Variants in NID2 observed in about 807,000 individuals in gnomAD.
NID2 encodes the protein nidogen 2.
Under a neutral mutation model 145.4 loss-of-function variants are expected in NID2, and 83 were observed. That is an observed-to-expected ratio of 0.57 (90% CI 0.48 to 0.69). The LOEUF (loss-of-function observed/expected upper bound fraction) is 0.69. NID2 is among the 30% of genes least tolerant of loss of function. The pLI is 0.00. For synonymous variants in NID2, 739 were observed against 701.3 expected (o/e 1.05, Z -0.85); for missense variants, 1,807 against 1,765.7 (o/e 1.02, Z -0.42).
chr14:52,006,196 C>A, intron 20 of NID2: 1 of 392,176 alleles, frequency 2.5e-6, no homozygotes, highest in South Asian at 2.9e-5. Context: ...CAACTTAAGC[C>A]CTGTAATATA....
intron 12 of NID2, 119 bp downstream of exon 12, chr14:52,027,082 G>T: frequency 9.4e-7 from 1 of 1,061,368 alleles, no homozygotes. Context: ...TATTTTGGCA[G>T]CCACAAGGCT....
intron 9 of NID2, among the ~76,000 whole-genome samples, chr14:52,032,296 T>A (rs143738341): frequency 2.4e-3 from 370 of 152,266 alleles, no homozygotes; most frequent in African/African-American, 8.2e-3. Flanking sequence ...TCGGCTGGAG[T>A]AACAGAATCT....
At chr14:52,030,378 C>G (rs1004215944) in intron 9 of NID2, among the ~76,000 whole-genome samples, 1 of 151,018 alleles carries the variant, frequency 6.6e-6, no homozygotes, top group East Asian at 1.9e-4. Context: ...TGGCTCATGC[C>G]TGTAATCCCA....
chr14:52,064,598 C>G (rs921761960), intron 2 of NID2, among the ~76,000 whole-genome samples: 1 of 152,200 alleles, frequency 6.6e-6, no homozygotes, highest in African/African-American at 2.4e-5. Flanking sequence ...TCAATACTGT[C>G]ACATTGAGGA....
At chr14:52,028,386 T>C (rs1169643756) in intron 11 of NID2, among the ~76,000 whole-genome samples, 1 of 152,000 alleles carries the variant, frequency 6.6e-6, no homozygotes, top group Non-Finnish European at 1.5e-5. Flanking sequence ...GCAATCCTCC[T>C]ATCTCAGCCT....
intron 5 of NID2, among the ~76,000 whole-genome samples, chr14:52,045,530 AAAGT>A (rs1033813907): frequency 3.4e-5 from 5 of 145,190 alleles, no homozygotes; most frequent in African/African-American, 1.3e-4. Context: ...CTTAAACAGA[AAAGT>A]GATATAAAAC....
At chr14:52,032,264 T>C (rs896795440) in intron 9 of NID2, among the ~76,000 whole-genome samples, 1 of 152,268 alleles carries the variant, frequency 6.6e-6, no homozygotes, top group Non-Finnish European at 1.5e-5. Context: ...TATGGGTTTA[T>C]CCTCAGTTCA....
intron 20 of NID2, 180 bp from the exon 21 acceptor site, chr14:52,006,029 T>G (rs1421903576): frequency 6.8e-6 from 4 of 584,488 alleles, no homozygotes; most frequent in Non-Finnish European, 1.2e-5. Context: ...TGCTCATCTC[T>G]AGCTGCATGT....
At chr14:52,042,067 C>T in intron 7 of NID2, 38 bp downstream of exon 7, 2 of 1,542,254 alleles carry the variant, frequency 1.3e-6, no homozygotes, top group Non-Finnish European at 1.7e-6. Flanking sequence ...ACTGCCAAAG[C>T]AATGCTGACT....
chr14:52,010,921 G>T lies in NID2; in HGVS notation c.3677C>A (p.Thr1226Lys), dbSNP rs779550100. The change falls in exon 18 of 22, where the codon ACA becomes AAA. Residue 1226 changes from threonine to lysine, a missense_variant. Transcript: ENST00000216286. The stretch of plus-strand genomic sequence containing the variant: ...GATGGCACGGGGATTCACCAGATCT[G>T]TGTAGAAGAGGACCTTGCGCTCAGA... ...DGSERKVLFY[T>K]DLVNPRAIAV... is the part of the protein sequence containing the mutation. 10 of 1,613,806 alleles carry T rather than the reference G, an allele frequency of 6.2e-6. No homozygotes were observed. In the African/African-American group the frequency reaches 1.3e-4, roughly 22 times the overall value.
chr14:52,017,794 A>G (rs1891265393), intron 14 of NID2, among the ~76,000 whole-genome samples: 1 of 152,082 alleles, frequency 6.6e-6, no homozygotes, highest in Non-Finnish European at 1.5e-5. Flanking sequence ...ATTTTTACCT[A>G]TCTGAGAACC....
At chr14:52,031,433 C>T (rs1891869083) in intron 9 of NID2, among the ~76,000 whole-genome samples, 1 of 152,180 alleles carries the variant, frequency 6.6e-6, no homozygotes, top group Admixed American at 6.5e-5. Flanking sequence ...ACCTCAGTCC[C>T]TAGAATTAAC....
At chr14:52,065,062 A>G (rs1480349458) in intron 2 of NID2, among the ~76,000 whole-genome samples, 1 of 151,764 alleles carries the variant, frequency 6.6e-6, no homozygotes, top group African/African-American at 2.4e-5. Context: ...TCTCAGATTA[A>G]CTGAATTGAC....
chr14:52,027,277 C>T lies in NID2; in HGVS notation c.2598G>A (p.Arg866=). The T allele has an allele frequency of 6.3e-7, 1 of 1,598,296 alleles. No individual in the cohort carries two copies. The highest frequency in any genetic ancestry group is 2.3e-5 in the East Asian group (1 of 42,842). ...ACGTGCTGCCTCCATGGTGAACACA[C>T]CGGGCCTGCCCAGCAGGAGCACAGG... ...SHTCAPAGQA[R]CVHHGGSTFS... is the part of the protein sequence containing the mutation. The change falls in exon 12 of 22, where the codon CGG becomes CGA. Residue 866 remains arginine, a synonymous_variant. Transcript: ENST00000216286.
At chr14:52,008,005 T>C (rs1890858269) in intron 18 of NID2, 38 bp from the exon 19 acceptor site, 5 of 1,557,596 alleles carry the variant, frequency 3.2e-6, no homozygotes, top group Non-Finnish European at 4.4e-6. Context: ...AGAATAGCCA[T>C]GTAGCCTGTG....
intron 5 of NID2, among the ~76,000 whole-genome samples, chr14:52,045,747 C>T (rs1434806375): frequency 6.6e-6 from 1 of 152,172 alleles, no homozygotes; most frequent in East Asian, 1.9e-4. Flanking sequence ...GAAGCAGCTA[C>T]AGGAGGGACT....
At chr14:52,006,024 A>G in intron 20 of NID2, 175 bp from the exon 21 acceptor site, 1 of 594,476 alleles carries the variant, frequency 1.7e-6, no homozygotes, top group Non-Finnish European at 3.0e-6. Context: ...TCCATTGCTC[A>G]TCTCTAGCTG....
At position 52,067,891 on chromosome 14, in the gene NID2, C is replaced by G; in HGVS notation, c.501G>C (p.Glu167Asp). ...AGGGCAGCGCCCCGCGCTTGACCTCCTCGTAAGCGCCTACCTGCTCCCAGG... is the reference window on the plus strand; with the variant it reads ...AGGGCAGCGCCCCGCGCTTGACCTCGTCGTAAGCGCCTACCTGCTCCCAGG... Reference protein sequence around the residue: ...LATWEQVGAYEEVKRGALPSG... With the variant: ...LATWEQVGAYDEVKRGALPSG... The change falls in exon 2 of 22, where the codon GAG (glutamate) becomes GAC (aspartate). Residue 167 changes from glutamate to aspartate, a missense_variant. Transcript: ENST00000216286. 2.5e-6 allele frequency: 4 copies of G among 1,612,750 alleles called. No individual in the cohort carries two copies. Among genetic ancestry groups the G allele is most frequent in the Non-Finnish European group, 3.4e-6 (4 of 1,179,956 alleles).
intron 5 of NID2, among the ~76,000 whole-genome samples, chr14:52,052,157 A>T (rs1892700936): frequency 6.6e-6 from 1 of 152,206 alleles, no homozygotes; most frequent in Non-Finnish European, 1.5e-5. Flanking sequence ...TTTAGAGGAA[A>T]CTCATACTGT....
Sources: allele counts gnomAD v4.1 joint callset (sites outside exome capture counted in the v4.1 genomes callset), GRCh38; gene constraint gnomAD v4.1.1; transcripts MANE v1.5; gene names NCBI Gene and HGNC (gene_info 2026-07-23, HGNC 2026-07-21).